ZNF415: variants seen among roughly 807,000 people sequenced by gnomAD.
ZNF415 encodes the protein zinc finger protein 415.
A neutral mutation model predicts 7.3 loss-of-function variants in ZNF415; 5 were observed. That is an observed-to-expected ratio of 0.69 (90% CI 0.36 to 1.44). The LOEUF (loss-of-function observed/expected upper bound fraction) is 1.44. Ranked by LOEUF, ZNF415 falls within the 40% of genes most tolerant of loss-of-function variation. ZNF415 has a pLI of 0.04. For synonymous variants in ZNF415, 207 were observed against 226.3 expected (o/e 0.91, Z 0.77); for missense variants, 628 against 664.8 (o/e 0.94, Z 0.61).
chr19:53,127,914 AG>A (rs1221339119), intron 1 of ZNF415, among the ~76,000 whole-genome samples: 6 of 151,788 alleles, frequency 4.0e-5, no homozygotes, highest in African/African-American at 1.5e-4. Context: ...AAAAGATACT[AG>A]GGCTTTCCAA....
chr19:53,112,545 C>A (rs1423574587), intron 3 of ZNF415, among the ~76,000 whole-genome samples: 1 of 152,114 alleles, frequency 6.6e-6, no homozygotes, highest in African/African-American at 2.4e-5. Context: ...ACTTATAAAG[C>A]GGTTGAGTAG....
rs149873963 is a variant in ZNF415 at position 53,110,033 on chromosome 19, C to T, written c.137-125G>A. On this transcript the variant is annotated intron_variant, in intron 3 of 3. Transcript: ENST00000243643. Reference sequence around the variant, plus strand: ...CAACAGAGTTATAAAACTTCCCAATCATGATCTTTAATTTTTACGAACACA... The same window carrying T: ...CAACAGAGTTATAAAACTTCCCAATTATGATCTTTAATTTTTACGAACACA... 12 of 721,084 alleles carry T rather than the reference C, an allele frequency of 1.7e-5. No homozygotes were observed. In the African/African-American group the frequency reaches 2.0e-4, roughly 12 times the overall value. 44.7% of individuals were successfully genotyped at this position (721,084 alleles called of 1,614,324 possible). A position where few individuals can be genotyped will look rare whatever the true frequency, so the allele number is the denominator to read the frequency against.
intron 1 of ZNF415, among the ~76,000 whole-genome samples, chr19:53,125,576 C>T (rs1026279762): frequency 3.5e-4 from 53 of 151,982 alleles, no homozygotes; most frequent in African/African-American, 1.3e-3. Flanking sequence ...CTCAAGTGAG[C>T]GTCCTGTCTC....
At position 53,109,876 on chromosome 19, in the gene ZNF415, C is replaced by T; in HGVS notation, c.169G>A (p.Ala57Thr). ...LSRNCVIKEL[A>T]PQQEGNPGEV... ...CCTGGGTTACCTTCCTGTTGTGGTG[C>T]TAGTTCCTTGATTACACAGTTACGA... The change falls in exon 4 of 4, where the codon GCA becomes ACA. Residue 57 changes from alanine to threonine, a missense_variant. Ala to Thr is a moderately conservative substitution (Grantham distance 58). Transcript: ENST00000243643. The T allele has an allele frequency of 6.2e-7, 1 of 1,600,392 alleles. No individual in the cohort carries two copies. Among genetic ancestry groups the T allele is most frequent in the Admixed American group, 1.8e-5 (1 of 56,396 alleles).
intron 3 of ZNF415, chr19:53,115,564 G>A (rs2086891688): frequency 1.5e-6 from 1 of 664,250 alleles, no homozygotes. Context: ...AGCAGAGGGA[G>A]AAGTAGGGGA....
In ZNF415 at chr19:53,108,310, G is replaced by A. The variant is rs950285690; in HGVS notation, c.*67C>T. 4.8e-6 allele frequency: 7 copies of A among 1,445,414 alleles called. No individual in the cohort carries two copies. The highest frequency in any genetic ancestry group is 2.8e-5 in the African/African-American group (2 of 70,414). The allele number at this position is 1,445,414 out of a possible 1,614,324, so 89.5% of individuals were successfully genotyped here. A position where few individuals can be genotyped will look rare whatever the true frequency, so the allele number is the denominator to read the frequency against. ...TTGCCACATTTATTATACTTGTATG[G>A]TTTCTCTCTGATATAAATTCTTTGA... On this transcript the variant is annotated 3_prime_UTR_variant, in exon 4 of 4. Transcript: ENST00000243643.
intron 3 of ZNF415, 137 bp downstream of exon 3, chr19:53,116,176 A>G (rs750275054): frequency 3.9e-6 from 4 of 1,037,258 alleles, no homozygotes; most frequent in Admixed American, 2.4e-5. Flanking sequence ...CAGAGTTCAC[A>G]TTATGGAGCT....
chr19:53,131,736 C>T (rs1434295032), intron 1 of ZNF415, among the ~76,000 whole-genome samples: 1 of 152,068 alleles, frequency 6.6e-6, no homozygotes, highest in Non-Finnish European at 1.5e-5. Flanking sequence ...TTTAATTCCT[C>T]TTTCTTCCTA....
chr19:53,110,038 T>A (rs2086008993), intron 3 of ZNF415, 130 bp from the exon 4 acceptor site: 1 of 696,822 alleles, frequency 1.4e-6, no homozygotes, highest in African/African-American at 1.9e-5. Flanking sequence ...CCAATCATGA[T>A]CTTTAATTTT....
intron 2 of ZNF415, among the ~76,000 whole-genome samples, chr19:53,119,093 A>G (rs2087524278): frequency 6.6e-6 from 1 of 152,136 alleles, no homozygotes; most frequent in Non-Finnish European, 1.5e-5. Flanking sequence ...ATCCTGGCTA[A>G]CATGGTGAAC....
chr19:53,116,112 A>G, intron 3 of ZNF415: 1 of 650,116 alleles, frequency 1.5e-6, no homozygotes, highest in Non-Finnish European at 2.6e-6. Flanking sequence ...TGGAACCACC[A>G]CTGTTGTATC....
Position 53,109,463 on chromosome 19 carries a change from C to T in ZNF415, c.582G>A (p.Gly194=), listed in dbSNP as rs1429567923. ...GTAATGAAGAACAGATGAAATCAGT[C>T]CCATATTTATTAGAAACATGGGTTT... ...TIKTHVSNKY[G]TDFICSSLLT... is the part of the protein sequence containing the mutation. The change falls in exon 4 of 4, where the codon GGG becomes GGA. Residue 194 remains glycine (G), a synonymous_variant. Coordinates refer to ENST00000243643, the MANE Select transcript of ZNF415 (RefSeq NM_018355.4). 6.2e-7 allele frequency: 1 copy of T among 1,614,046 alleles called. No individual in the cohort carries two copies. Among genetic ancestry groups the T allele is most frequent in the Non-Finnish European group, 8.5e-7 (1 of 1,179,990 alleles).
At position 53,113,262 on chromosome 19, in the gene ZNF415, A is replaced by C. The variant is rs1182356000; in HGVS notation, c.136+3051T>G. 2.1e-5 allele frequency among the ~76,000 whole-genome samples: 2 copies of C among 96,724 alleles called. 1 individual carries two copies. The highest frequency in any genetic ancestry group is 7.5e-5 in the African/African-American group (2 of 26,634). The allele number at this position is 96,724 out of a possible 152,430, so 63.5% of individuals were successfully genotyped here. On this transcript the variant is annotated intron_variant, in intron 3 of 3. Coordinates refer to ENST00000243643, the MANE Select transcript of ZNF415 (RefSeq NM_018355.4). ...GGTGGCTCACGCCTGTAATCCCAGCACTTTGGGAGGCCGAGACGGGCGGAT... is the reference window on the plus strand; with the variant it reads ...GGTGGCTCACGCCTGTAATCCCAGCCCTTTGGGAGGCCGAGACGGGCGGAT...
chr19:53,113,074 G>A (rs1416947700), intron 3 of ZNF415, among the ~76,000 whole-genome samples: 3 of 115,984 alleles, frequency 2.6e-5, no homozygotes, highest in East Asian at 2.3e-4. Flanking sequence ...CAACAAGAGC[G>A]AAACTCCATC....
chr19:53,112,687 G>C (rs187996501), intron 3 of ZNF415, among the ~76,000 whole-genome samples: 1 of 152,340 alleles, frequency 6.6e-6, no homozygotes, highest in Admixed American at 6.5e-5. Context: ...ATCATGTGAG[G>C]ATAGGAGAGA....
chr19:53,114,695 C>T (rs745311041), intron 3 of ZNF415, among the ~76,000 whole-genome samples: 2 of 152,124 alleles, frequency 1.3e-5, no homozygotes, highest in African/African-American at 2.4e-5. Flanking sequence ...CTGTGTAGGA[C>T]GGGGGATCCC....
Position 53,108,049 on chromosome 19 carries a change from A to G in ZNF415, c.*328T>C, listed in dbSNP as rs1255844413. The G allele has an allele frequency of 7.4e-6, 2 of 268,994 alleles. No individual in the cohort carries two copies. The highest frequency in any genetic ancestry group is 1.4e-5 in the Non-Finnish European group (2 of 142,834). 16.7% of individuals were successfully genotyped at this position (268,994 alleles called of 1,614,324 possible). A position where few individuals can be genotyped will look rare whatever the true frequency, so the allele number is the denominator to read the frequency against. ...GTGTTACAGTTTTGATCCTTGGTTA[A>G]TAGCTTCAACATGCACAAAATATAC... is the stretch of plus-strand genomic sequence containing the variant. On this transcript the variant is annotated 3_prime_UTR_variant, in exon 4 of 4. Transcript: ENST00000243643.
chr19:53,122,354 C>T (rs2088237398), intron 2 of ZNF415: 1 of 1,520,686 alleles, frequency 6.6e-7, no homozygotes, highest in Non-Finnish European at 8.8e-7. Flanking sequence ...CAAATGTGGC[C>T]CCTGAACAAT....
rs1423206259 is a variant in ZNF415, at chr19:53,122,647, A to G, written c.15+15T>C. ...AAGAGGGAGACAGAATGATCCACAC[A>G]GAATCTTTCTTTACCTGAGTAAAAG... On this transcript the variant is annotated intron_variant, in intron 2 of 3. Coordinates refer to ENST00000243643, the MANE Select transcript of ZNF415 (RefSeq NM_018355.4). 1.2e-6 allele frequency: 2 copies of G among 1,614,030 alleles called. No individual in the cohort carries two copies. Among genetic ancestry groups the G allele is most frequent in the Non-Finnish European group, 8.5e-7 (1 of 1,180,014 alleles).
Sources: gnomAD v4.1 joint callset for allele counts (sites outside exome capture counted in the v4.1 genomes callset) on GRCh38, gnomAD v4.1.1 for gene constraint, MANE v1.5 for transcripts, NCBI Gene and HGNC (gene_info 2026-07-23, HGNC 2026-07-21) for gene names.